The following NHSL1 variants were observed in gnomAD, a reference collection of about 807,000 sequenced individuals.
The protein encoded by NHSL1 is NHS-like protein 1.
A neutral mutation model predicts 95.0 loss-of-function variants in NHSL1; 48 were observed. That is an observed-to-expected ratio of 0.51 (90% confidence interval 0.40 to 0.64). The LOEUF (loss-of-function observed/expected upper bound fraction) is 0.64, where lower values mean the gene tolerates loss of function less well. NHSL1 is among the 30% of genes least tolerant of loss of function. NHSL1 has a pLI of 0.00. For synonymous variants in NHSL1, 783 were observed against 833.9 expected, an observed-to-expected ratio of 0.94 and a Z score of 1.05; for missense variants, 1,971 against 2,077.7, an observed-to-expected ratio of 0.95 and a Z score of 1.00.
intron 1 of NHSL1, among the ~76,000 whole-genome samples, chr6:138,517,654 A>G (rs538274940): frequency 6.6e-6 from 1 of 152,312 alleles, no homozygotes; most frequent in South Asian, 2.1e-4. Context: ...TTATTAAGAG[A>G]TATTAAGGAG....
intron 1 of NHSL1, among the ~76,000 whole-genome samples, chr6:138,564,667 A>C (rs904582447): frequency 2.6e-5 from 4 of 151,608 alleles, no homozygotes; most frequent in Non-Finnish European, 5.9e-5. Flanking sequence ...AAAAAAAAAT[A>C]AGATTGAGTC....
chr6:138,540,829 T>G (rs1262255201), intron 1 of NHSL1, among the ~76,000 whole-genome samples: 1 of 152,158 alleles, frequency 6.6e-6, no homozygotes, highest in Admixed American at 6.6e-5. Flanking sequence ...ACACACCCAA[T>G]TCCACAGAAT....
intron 2 of NHSL1, among the ~76,000 whole-genome samples, chr6:138,489,121 C>A (rs1378406188): frequency 6.6e-6 from 1 of 152,108 alleles, no homozygotes; most frequent in Admixed American, 6.5e-5. Context: ...CTCTGGAGCA[C>A]AACAGGTAGG....
chr6:138,588,376 C>G (rs1784172694), intron 1 of NHSL1, among the ~76,000 whole-genome samples: 1 of 152,276 alleles, frequency 6.6e-6, no homozygotes, highest in Middle Eastern at 3.4e-3. Context: ...GCAAGAGAAT[C>G]GCTTGAACCC....
chr6:138,450,192 G>GCACACACA (rs56866574), intron 3 of NHSL1, among the ~76,000 whole-genome samples: 51 of 150,786 alleles, frequency 3.4e-4, no homozygotes, highest in African/African-American at 1.0e-3. Context: ...CTTGAGATGT[G>GCACACACA]CACACACACA....
At chr6:138,675,228 C>A (rs1052143770) in intron 1 of NHSL1, among the ~76,000 whole-genome samples, 7 of 152,080 alleles carry the variant, frequency 4.6e-5, no homozygotes, top group South Asian at 2.1e-4. Flanking sequence ...CAATGAATCC[C>A]CACAGCTGAG....
intron 1 of NHSL1, among the ~76,000 whole-genome samples, chr6:138,496,920 AC>A (rs1196730999): frequency 1.3e-5 from 2 of 152,362 alleles, no homozygotes; most frequent in Admixed American, 6.5e-5. Flanking sequence ...CATGTAAATG[AC>A]ATAGCTAATA....
chr6:138,686,389 C>T (rs1176356043), intron 1 of NHSL1, among the ~76,000 whole-genome samples: 1 of 152,066 alleles, frequency 6.6e-6, no homozygotes, highest in Non-Finnish European at 1.5e-5. Flanking sequence ...GGCATGGTGG[C>T]ATGTGCCTAT....
intron 2 of NHSL1, among the ~76,000 whole-genome samples, chr6:138,479,744 G>C (rs897087401): frequency 2.6e-5 from 4 of 152,192 alleles, no homozygotes; most frequent in Non-Finnish European, 5.9e-5. Flanking sequence ...GAAAATGCAA[G>C]GTGCTTTGTG....
chr6:138,596,759 A>G (rs1003977928), intron 1 of NHSL1, among the ~76,000 whole-genome samples: 2 of 150,212 alleles, frequency 1.3e-5, no homozygotes, highest in African/African-American at 4.9e-5. Context: ...CCCACATTCA[A>G]TTGGCGGGGG....
At chr6:138,537,565 G>A (rs996193283) in intron 1 of NHSL1, among the ~76,000 whole-genome samples, 3 of 147,944 alleles carry the variant, frequency 2.0e-5, no homozygotes, top group African/African-American at 7.7e-5. Context: ...ATATATTACA[G>A]AGAAAATACC....
chr6:138,679,486 T>C (rs953774509), intron 1 of NHSL1, among the ~76,000 whole-genome samples: 7 of 152,330 alleles, frequency 4.6e-5, no homozygotes, highest in Admixed American at 6.5e-5. Context: ...GTTTAGAAGA[T>C]AATGGTGGCC....
chr6:138,500,985 G>C (rs1003389344), upstream of NHSL1, among the ~76,000 whole-genome samples: 1 of 152,134 alleles, frequency 6.6e-6, no homozygotes, highest in Non-Finnish European at 1.5e-5. Context: ...TTAAATTAGC[G>C]GGCAAAGTTC....
intron 1 of NHSL1, among the ~76,000 whole-genome samples, chr6:138,532,216 A>G (rs894032777): frequency 6.6e-6 from 1 of 152,214 alleles, no homozygotes; most frequent in Non-Finnish European, 1.5e-5. Flanking sequence ...ATGGGGGAAG[A>G]GGCTACTGAG....
chr6:138,571,155 A>T (rs1226458324), intron 1 of NHSL1, among the ~76,000 whole-genome samples: 1 of 151,560 alleles, frequency 6.6e-6, no homozygotes, highest in Non-Finnish European at 1.5e-5. Flanking sequence ...AGGAGAAAGA[A>T]AAAAAAAATC....
intron 1 of NHSL1, among the ~76,000 whole-genome samples, chr6:138,537,465 T>C (rs1439833923): frequency 6.6e-6 from 1 of 152,204 alleles, no homozygotes; most frequent in Non-Finnish European, 1.5e-5. Context: ...TATGTAGAAA[T>C]ACTACATTTG....
intron 1 of NHSL1, among the ~76,000 whole-genome samples, chr6:138,609,148 A>C (rs1784474062): frequency 6.6e-6 from 1 of 152,214 alleles, no homozygotes; most frequent in Non-Finnish European, 1.5e-5. Flanking sequence ...TATTACTTAC[A>C]AATAAAGTGG....
Position 138,424,773 on chromosome 6 carries a change from G to A in NHSL1, c.4129C>T (p.His1377Tyr), listed in dbSNP as rs1164270454. 1 of 1,551,238 alleles carries A rather than the reference G, an allele frequency of 6.4e-7. No homozygotes were observed. The highest frequency in any genetic ancestry group is 1.4e-5 in the African/African-American group (1 of 73,100). ...GGGGAGGGAGAATGGTTTCGGGAGT[G>A]GTCATCATCTGAATCTCTACGGCCG... Reference protein sequence around the residue: ...VLGRRDSDDDHSRNHSPSPPV... With the variant: ...VLGRRDSDDDYSRNHSPSPPV... The change falls in exon 8 of 8, where the codon CAC becomes TAC. Residue 1377 changes from histidine to tyrosine, a missense_variant. By Grantham distance (83) the His-to-Tyr change is moderately conservative. Coordinates refer to ENST00000343505, the MANE Select transcript of NHSL1 (RefSeq NM_001144060.2). This position sits in a 1 kb window ranked among gnomAD's most constrained non-coding sequence, Gnocchi z 5.9.
intron 1 of NHSL1, among the ~76,000 whole-genome samples, chr6:138,627,408 A>G (rs556984227): frequency 6.6e-6 from 1 of 152,390 alleles, no homozygotes; most frequent in East Asian, 1.9e-4. Context: ...TTAACATTAT[A>G]GACTACTATT....
Sources: allele counts gnomAD v4.1 joint callset (sites outside exome capture counted in the v4.1 genomes callset), GRCh38; gene constraint gnomAD v4.1.1; non-coding constraint Gnocchi (gnomAD v3.1); transcripts MANE v1.5; gene names NCBI Gene and HGNC (gene_info 2026-07-23, HGNC 2026-07-21).